The following NELL2 variants were observed in gnomAD, a reference collection of about 807,000 sequenced individuals.
NELL2 encodes the protein protein kinase C-binding protein NELL2.
A neutral mutation model predicts 109.6 loss-of-function variants in NELL2; 41 were observed. That is an observed-to-expected ratio of 0.37 (90% CI 0.29 to 0.49). The LOEUF (loss-of-function observed/expected upper bound fraction) is 0.49. Among genes scored for constraint, NELL2 ranks in the 20% least tolerant of loss-of-function variants. NELL2 has a pLI of 0.98. For synonymous variants in NELL2, 355 were observed against 344.7 expected, an observed-to-expected ratio of 1.03 and a Z score of -0.33; for missense variants, 900 against 1,008.3, an observed-to-expected ratio of 0.89 and a Z score of 1.45.
At chr12:44,892,580 G>A (rs774713399) in intron 1 of NELL2, among the ~76,000 whole-genome samples, 13 of 151,930 alleles carry the variant, frequency 8.6e-5, no homozygotes, top group Non-Finnish European at 1.3e-4. Flanking sequence ...GGCAGATCAC[G>A]AGGTCAGGAG....
rs1258427948 is a variant in NELL2 at position 44,876,109 on chromosome 12, A to C, written c.-240T>G. ...TTCCCACACGCAGGGCCGAGGCGGC[A>C]GCGCGGCCCGGAGGGGGCCCGGAGG... On this transcript the variant is annotated 5_prime_UTR_variant, in exon 1 of 20. Coordinates refer to ENST00000429094, the MANE Select transcript of NELL2 (RefSeq NM_001145108.2). The C allele has an allele frequency of 7.5e-7, 1 of 1,325,312 alleles. No homozygotes were observed. Among genetic ancestry groups the C allele is most frequent in the Admixed American group, 3.2e-5 (1 of 31,222 alleles). The allele number at this position is 1,325,312 out of a possible 1,614,324, so 82.1% of individuals were successfully genotyped here. A position where few individuals can be genotyped will look rare whatever the true frequency, so the allele number is the denominator to read the frequency against.
At chr12:44,511,848 TGTA>T (rs998070672) in intron 19 of NELL2, among the ~76,000 whole-genome samples, 2 of 152,196 alleles carry the variant, frequency 1.3e-5, no homozygotes, top group Admixed American at 6.5e-5. Flanking sequence ...AAGATTTACA[TGTA>T]GTATTAATAC....
chr12:44,897,422 T>C (rs2136876743), intron 1 of NELL2, among the ~76,000 whole-genome samples: 1 of 151,782 alleles, frequency 6.6e-6, no homozygotes, highest in East Asian at 2.0e-4. Context: ...AGGTGCCCAA[T>C]TCATCTCATT....
chr12:44,816,789 G>A (rs1446430548), intron 2 of NELL2, among the ~76,000 whole-genome samples: 1 of 152,176 alleles, frequency 6.6e-6, no homozygotes, highest in African/African-American at 2.4e-5. Context: ...GCCTAGCCAA[G>A]GGAAGTTTAC....
At chr12:44,602,225 G>A (rs1945247015) in intron 15 of NELL2, among the ~76,000 whole-genome samples, 1 of 152,114 alleles carries the variant, frequency 6.6e-6, no homozygotes, top group Non-Finnish European at 1.5e-5. Flanking sequence ...ACTGGAGACA[G>A]TTTCAAGATC....
chr12:44,702,028 C>T (rs1213022439), intron 12 of NELL2, among the ~76,000 whole-genome samples: 1 of 152,106 alleles, frequency 6.6e-6, no homozygotes, highest in Non-Finnish European at 1.5e-5. Context: ...TAGAGCCTTT[C>T]CACTTTTTAT....
chr12:44,669,609 A>G (rs549425007), intron 12 of NELL2, among the ~76,000 whole-genome samples: 1 of 152,236 alleles, frequency 6.6e-6, no homozygotes, highest in East Asian at 1.9e-4. Flanking sequence ...TAAAAAATGT[A>G]ATAGCTTCAA....
chr12:44,575,123 G>A (rs1448115839), intron 15 of NELL2, among the ~76,000 whole-genome samples: 1 of 152,084 alleles, frequency 6.6e-6, no homozygotes. Context: ...CTTCACTATT[G>A]TCCTCAGTGT....
chr12:44,905,255 T>C (rs1436747704), intron 1 of NELL2, among the ~76,000 whole-genome samples: 2 of 152,012 alleles, frequency 1.3e-5, no homozygotes, highest in African/African-American at 4.8e-5. Flanking sequence ...TCCTGTATTT[T>C]CTTTATTTCT....
intron 1 of NELL2, among the ~76,000 whole-genome samples, chr12:44,888,867 A>G (rs547293287): frequency 6.6e-6 from 1 of 152,076 alleles, no homozygotes; most frequent in African/African-American, 2.4e-5. Context: ...AATAAATAAG[A>G]GAAGTATTGC....
At chr12:44,703,703 C>G (rs1472409501) in intron 12 of NELL2, 23 bp downstream of exon 12, 1 of 1,612,300 alleles carries the variant, frequency 6.2e-7, no homozygotes, top group South Asian at 1.1e-5. Flanking sequence ...TACAGCTGAG[C>G]TACACATCAT....
intron 9 of NELL2, among the ~76,000 whole-genome samples, chr12:44,768,528 T>G (rs1433730890): frequency 6.6e-6 from 1 of 152,102 alleles, no homozygotes; most frequent in Non-Finnish European, 1.5e-5. Context: ...GTTCTAATTC[T>G]ATGATTTATT....
At chr12:44,890,209 G>C (rs954450782) in intron 1 of NELL2, among the ~76,000 whole-genome samples, 1 of 152,186 alleles carries the variant, frequency 6.6e-6, no homozygotes, top group African/African-American at 2.4e-5. Context: ...CATAAAGAAA[G>C]AGCTGCTGAG....
chr12:44,867,073 C>G lies in NELL2; in HGVS notation c.184+8152G>C, dbSNP rs117379034. Among the ~76,000 whole-genome samples the G allele has an allele frequency of 6.3e-3, 961 of 152,216 alleles. 5 individuals are homozygous for G. Among genetic ancestry groups the G allele is most frequent in the South Asian group, 0.018 (86 of 4,824 alleles). On this transcript the variant is annotated intron_variant, in intron 2 of 19. Coordinates refer to ENST00000429094, the MANE Select transcript of NELL2 (RefSeq NM_001145108.2). ...TAAACTCTATTTAAATAACCAATAC[C>G]AATCCTTCTCAAACTCTTCCAAAAA...
intron 3 of NELL2, among the ~76,000 whole-genome samples, chr12:44,810,089 A>G (rs1205995189): frequency 2.6e-5 from 4 of 152,012 alleles, no homozygotes; most frequent in Non-Finnish European, 1.5e-5. Flanking sequence ...TCCAAATCCT[A>G]CCACTCTAGC....
intron 2 of NELL2, among the ~76,000 whole-genome samples, chr12:44,850,456 C>T (rs1259174781): frequency 6.6e-6 from 1 of 151,864 alleles, no homozygotes; most frequent in Non-Finnish European, 1.5e-5. Flanking sequence ...TTTTTATTTG[C>T]TCTAAAACTA....
chr12:44,821,246 C>A (rs1943534232), intron 2 of NELL2, among the ~76,000 whole-genome samples: 1 of 152,062 alleles, frequency 6.6e-6, no homozygotes. Flanking sequence ...CAAAAACAGC[C>A]ATGGAACATT....
chr12:44,896,105 C>T (rs1204660923), intron 1 of NELL2, among the ~76,000 whole-genome samples: 3 of 152,072 alleles, frequency 2.0e-5, no homozygotes, highest in South Asian at 2.1e-4. Context: ...TCAGTAAGAC[C>T]GGAAGAGGGG....
intron 15 of NELL2, among the ~76,000 whole-genome samples, chr12:44,553,652 A>G (rs1375667043): frequency 2.0e-5 from 3 of 152,200 alleles, no homozygotes; most frequent in Non-Finnish European, 4.4e-5. Context: ...CCCTGATTTG[A>G]TCAGTATGCA....
Sources: allele counts gnomAD v4.1 joint callset (sites outside exome capture counted in the v4.1 genomes callset), GRCh38; gene constraint gnomAD v4.1.1; transcripts MANE v1.5; gene names NCBI Gene and HGNC (gene_info 2026-07-23, HGNC 2026-07-21).